The following SCUBE1 variants were observed in gnomAD, a reference collection of about 807,000 sequenced individuals.
The protein encoded by SCUBE1 is signal peptide, CUB and EGF-like domain-containing protein 1.
SCUBE1 carries 59 observed loss-of-function variants against 124.4 expected under a neutral mutation model. The ratio of observed to expected loss-of-function variants is 0.47; its 90% CI spans 0.38 to 0.59. The LOEUF is 0.59. SCUBE1 is among the 20% of genes least tolerant of loss of function. The pLI is 0.00. For synonymous variants in SCUBE1, 545 were observed against 550.9 expected (o/e 0.99, Z 0.15); for missense variants, 1,150 against 1,371.2 (o/e 0.84, Z 2.55).
chr22:43,198,439 A>G lies in SCUBE1; in HGVS notation c.*5558T>C. On this transcript the variant is annotated 3_prime_UTR_variant, in exon 22 of 22. Transcript: ENST00000360835. ...TTCCAAGAGCAAGGCAGGTGGGATC[A>G]GGCCAACCCCAGCTCTGCCTGCCCA... is the stretch of plus-strand genomic sequence containing the variant. The G allele has an allele frequency of 2.4e-6, 1 of 409,020 alleles. No homozygotes were observed. The highest frequency in any genetic ancestry group is 5.0e-6 in the Non-Finnish European group (1 of 201,096). The allele number at this position is 409,020 out of a possible 1,614,324, so 25.3% of individuals were successfully genotyped here.
intron 4 of SCUBE1, 125 bp from the exon 5 acceptor site, chr22:43,262,970 T>C (rs1923927829): frequency 9.9e-7 from 1 of 1,011,306 alleles, no homozygotes; most frequent in Non-Finnish European, 1.5e-6. Flanking sequence ...GCATGTATCA[T>C]GCACACACAC....
chr22:43,231,650 A>ATCC, intron 8 of SCUBE1, 103 bp downstream of exon 8: 2 of 1,424,136 alleles, frequency 1.4e-6, no homozygotes, highest in South Asian at 2.5e-5. Context: ...GCCCAGCCCC[A>ATCC]TCCGCATTCC....
In SCUBE1 at chr22:43,339,241, G is replaced by C; in HGVS notation, c.89-6C>G. 6.2e-7 allele frequency: 1 copy of C among 1,613,040 alleles called. No individual in the cohort carries two copies. The highest frequency in any genetic ancestry group is 8.5e-7 in the Non-Finnish European group (1 of 1,179,342). ...CTCATCCACGTCGACTGACCCTGTGGGTAGGGGTGTGGGGGGAATAAGAGG... is the reference window on the plus strand; with the variant it reads ...CTCATCCACGTCGACTGACCCTGTGCGTAGGGGTGTGGGGGGAATAAGAGG... On this transcript the variant is annotated splice_region_variant and splice_polypyrimidine_tract_variant and intron_variant, in intron 1 of 21. Coordinates refer to ENST00000360835, the MANE Select transcript of SCUBE1 (RefSeq NM_173050.5).
chr22:43,229,082 G>A lies in SCUBE1; in HGVS notation c.1074C>T (p.Thr358=). 2 of 1,612,196 alleles carry A rather than the reference G, an allele frequency of 1.2e-6. No individual in the cohort carries two copies. The highest frequency in any genetic ancestry group is 1.7e-6 in the Non-Finnish European group (2 of 1,179,122). Residue 358 remains threonine, a synonymous_variant, in exon 9 of 22, where the codon ACC becomes ACT. Coordinates refer to ENST00000360835, the MANE Select transcript of SCUBE1 (RefSeq NM_173050.5). ...CHRGYILYGT[T]HCGDVDECSM... is the part of the protein sequence containing the mutation. ...GGGCAGGCTGCAGACCTCCGCAGTGGGTTGTCCCGTAGAGGATGTAGCCGC... is the reference window on the plus strand; with the variant it reads ...GGGCAGGCTGCAGACCTCCGCAGTGAGTTGTCCCGTAGAGGATGTAGCCGC...
At chr22:43,221,375 C>A in intron 12 of SCUBE1, 86 bp from the exon 13 acceptor site, 1 of 742,840 alleles carries the variant, frequency 1.3e-6, no homozygotes, top group Non-Finnish European at 2.3e-6. Context: ...GGGGACAAAT[C>A]CATCTGGAGC....
At chr22:43,217,759 C>G (rs948824470) in intron 15 of SCUBE1, among the ~76,000 whole-genome samples, 1 of 152,156 alleles carries the variant, frequency 6.6e-6, no homozygotes, top group East Asian at 1.9e-4. Context: ...TCCCCTCCAG[C>G]GCACACCCGC....
chr22:43,312,221 AAGAC>A (rs1382890566), intron 3 of SCUBE1, among the ~76,000 whole-genome samples: 1 of 152,262 alleles, frequency 6.6e-6, no homozygotes, highest in Non-Finnish European at 1.5e-5. Context: ...TCCAAGAAGA[AAGAC>A]AGAAAGGTAA....
chr22:43,235,584 C>A (rs1922727355), intron 7 of SCUBE1, among the ~76,000 whole-genome samples: 1 of 152,148 alleles, frequency 6.6e-6, no homozygotes, highest in African/African-American at 2.4e-5. Context: ...GGGGTTCTCC[C>A]AGATTGTTCT....
At chr22:43,303,928 A>G (rs1925867823) in intron 3 of SCUBE1, among the ~76,000 whole-genome samples, 1 of 152,208 alleles carries the variant, frequency 6.6e-6, no homozygotes, top group Non-Finnish European at 1.5e-5. Flanking sequence ...AAGCGCCTTC[A>G]GTGCTGTGGC....
At chr22:43,226,501 G>A (rs1286597763) in intron 10 of SCUBE1, among the ~76,000 whole-genome samples, 1 of 152,090 alleles carries the variant, frequency 6.6e-6, no homozygotes, top group Non-Finnish European at 1.5e-5. Flanking sequence ...AAGTCAGTGA[G>A]GCTGGCGTGA....
intron 2 of SCUBE1, among the ~76,000 whole-genome samples, chr22:43,331,503 T>C (rs1926902161): frequency 6.6e-6 from 1 of 152,252 alleles, no homozygotes; most frequent in African/African-American, 2.4e-5. Context: ...TGATGTGTAC[T>C]GTTGGTTCAG....
chr22:43,241,302 G>C (rs1054290121), intron 6 of SCUBE1, among the ~76,000 whole-genome samples: 1 of 152,084 alleles, frequency 6.6e-6, no homozygotes, highest in Non-Finnish European at 1.5e-5. Flanking sequence ...CAGGGGTCAC[G>C]TGGTCACCAC....
At chr22:43,221,353 C>T (rs1412382737) in intron 12 of SCUBE1, 64 bp from the exon 13 acceptor site, 23 of 407,840 alleles carry the variant, frequency 5.6e-5, no homozygotes, top group Admixed American at 9.5e-5. Context: ...TGGTGGGGGA[C>T]GGGGGCTGCC....
At chr22:43,218,209 AG>A in intron 15 of SCUBE1, 45 bp downstream of exon 15, 1 of 1,584,578 alleles carries the variant, frequency 6.3e-7, no homozygotes, top group Non-Finnish European at 8.6e-7. Context: ...CTCATGTGCA[AG>A]GAAGGACAGA....
At chr22:43,309,279 C>T (rs1445268178) in intron 3 of SCUBE1, among the ~76,000 whole-genome samples, 1 of 152,338 alleles carries the variant, frequency 6.6e-6, no homozygotes, top group South Asian at 2.1e-4. Flanking sequence ...TCTCGTTGGC[C>T]TCTGCATCAT....
chr22:43,272,258 C>G (rs966812030), intron 4 of SCUBE1, among the ~76,000 whole-genome samples: 4 of 152,170 alleles, frequency 2.6e-5, no homozygotes, highest in Admixed American at 2.6e-4. Context: ...AGCAAAGAAG[C>G]TGGCCCACTC....
chr22:43,225,196 C>G (rs757941886), intron 10 of SCUBE1, among the ~76,000 whole-genome samples: 6 of 152,026 alleles, frequency 3.9e-5, no homozygotes, highest in Non-Finnish European at 5.9e-5. Flanking sequence ...ATCACCCCCC[C>G]ACTCCTGCCC....
chr22:43,309,321 C>T (rs1273309876), intron 3 of SCUBE1, among the ~76,000 whole-genome samples: 1 of 152,196 alleles, frequency 6.6e-6, no homozygotes, highest in Non-Finnish European at 1.5e-5. Context: ...ACCAGCCCCA[C>T]CTCATGCAGG....
intron 3 of SCUBE1, among the ~76,000 whole-genome samples, chr22:43,317,722 G>C (rs1213508867): frequency 6.6e-6 from 1 of 152,216 alleles, no homozygotes; most frequent in Non-Finnish European, 1.5e-5. Context: ...GACAGACTTT[G>C]AACTCCCTCT....
Sources: allele counts gnomAD v4.1 joint callset (sites outside exome capture counted in the v4.1 genomes callset), GRCh38; gene constraint gnomAD v4.1.1; transcripts MANE v1.5; gene names NCBI Gene and HGNC (gene_info 2026-07-23, HGNC 2026-07-21).